The following AGAP3 variants were observed in gnomAD, a reference collection of about 807,000 sequenced individuals.
AGAP3 encodes ArfGAP with GTPase domain, ankyrin repeat and PH domain 3.
A neutral mutation model predicts 96.9 loss-of-function variants in AGAP3; 24 were observed. The observed-to-expected ratio is 0.25, with a 90% CI of 0.18 to 0.35. The LOEUF (loss-of-function observed/expected upper bound fraction) is 0.35. Among genes scored for constraint, AGAP3 ranks in the 10% least tolerant of loss-of-function variants. The pLI, the probability that AGAP3 is intolerant of heterozygous loss-of-function variation, is 1.00. For missense variants in AGAP3, 876 were observed against 1,254.2 expected (o/e 0.70, Z 4.55); for synonymous variants, 563 against 536.1 (o/e 1.05, Z -0.69).
rs1799154181 is a variant in AGAP3, at chr7:151,108,594, T to A, written c.332-8199T>A. 6.6e-6 allele frequency among the ~76,000 whole-genome samples: 1 copy of A among 152,232 alleles called. No individual in the cohort carries two copies. Among genetic ancestry groups the A allele is most frequent in the South Asian group, 2.1e-4 (1 of 4,832 alleles). On this transcript the variant is annotated intron_variant, in intron 1 of 17. Transcript: ENST00000397238. This position sits in a 1 kb window ranked among gnomAD's most constrained non-coding sequence, Gnocchi z 4.2. ...AGCAGCCTTCGGAGGGTCCCAAGGA[T>A]GTAGGCTGGGTCCTACGCCAGTCCA...
chr7:151,119,972 CCT>C lies in AGAP3; in HGVS notation c.970-12_970-11del. 1 of 1,613,066 alleles carries C rather than the reference CCT, an allele frequency of 6.2e-7. No homozygotes were observed. The highest frequency in any genetic ancestry group is 1.1e-5 in the South Asian group (1 of 91,034). On this transcript the variant is annotated splice_polypyrimidine_tract_variant and intron_variant, in intron 7 of 17. Coordinates refer to ENST00000397238, the MANE Select transcript of AGAP3 (RefSeq NM_031946.7). ...CTGACCCGGAGCTGCCCTCAGCAGC[CCT>C]CTTTGTCCTTAGGCCACGAATGGCG...
Position 151,114,781 on chromosome 7 carries a change from G to C in AGAP3, c.332-2012G>C, listed in dbSNP as rs1273667397. On this transcript the variant is annotated intron_variant, in intron 1 of 17. Coordinates refer to ENST00000397238, the MANE Select transcript of AGAP3 (RefSeq NM_031946.7). This position sits in a 1 kb window ranked among gnomAD's most constrained non-coding sequence, Gnocchi z 4.4. ...CCGCCGGCCCTGAGCATGGAGCGGG[G>C]CTGGCCGCAGGGGGACAGCTGTCCC... The C allele has an allele frequency of 9.7e-6, 10 of 1,033,216 alleles. No homozygotes were observed. The highest frequency in any genetic ancestry group is 1.2e-5 in the Non-Finnish European group (10 of 863,130). 64.0% of individuals were successfully genotyped at this position (1,033,216 alleles called of 1,614,324 possible). A position where few individuals can be genotyped will look rare whatever the true frequency, so the allele number is the denominator to read the frequency against.
chr7:151,092,157 G>T (rs1798423511), intron 1 of AGAP3, among the ~76,000 whole-genome samples: 1 of 152,184 alleles, frequency 6.6e-6, no homozygotes, highest in African/African-American at 2.4e-5. Context: ...CTTTGAGAAG[G>T]CTTGAGCCAC....
intron 1 of AGAP3, chr7:151,115,550 G>C (rs2150459387): frequency 1.8e-6 from 2 of 1,108,318 alleles, no homozygotes; most frequent in Non-Finnish European, 2.2e-6. Flanking sequence ...GGCTGCTCAC[G>C]AGCCGCTTCC....
At chr7:151,102,241 TC>T (rs1393216870) in intron 1 of AGAP3, among the ~76,000 whole-genome samples, 1 of 152,198 alleles carries the variant, frequency 6.6e-6, no homozygotes, top group Non-Finnish European at 1.5e-5. Context: ...GGCCCAGAGC[TC>T]CGGTGAGCCT....
rs1440402186 is a variant in AGAP3 at position 151,118,860 on chromosome 7, TTC to T, written c.969+234_969+235del. Among the ~76,000 whole-genome samples, 1 of 152,156 alleles carries T rather than the reference TTC, an allele frequency of 6.6e-6. No individual in the cohort carries two copies. Among genetic ancestry groups the T allele is most frequent in the African/African-American group, 2.4e-5 (1 of 41,446 alleles). On this transcript the variant is annotated intron_variant, in intron 7 of 17. Transcript: ENST00000397238. This position sits in a 1 kb window ranked among gnomAD's most constrained non-coding sequence, Gnocchi z 6.1. ...TGCCCCTTCCCGCTGCAATCCCCAC[TTC>T]TCTCTGCTCTCCACCATTCCACAGC... is the stretch of plus-strand genomic sequence containing the variant.
At chr7:151,121,535 G>A (rs1460808442) in intron 8 of AGAP3, among the ~76,000 whole-genome samples, 3 of 151,850 alleles carry the variant, frequency 2.0e-5, no homozygotes, top group Non-Finnish European at 4.4e-5. Flanking sequence ...CAACCCCAGG[G>A]CACCCCCTGC....
rs548016086 is a variant in AGAP3, at chr7:151,118,359, G to T, written c.841+15G>T. Reference sequence around the variant, plus strand: ...CTTCCAGGACGGTAACTCGGGTGCCGGGTGGGAGTCACTGGCAGCCGCGGC... The same window carrying T: ...CTTCCAGGACGGTAACTCGGGTGCCTGGTGGGAGTCACTGGCAGCCGCGGC... On this transcript the variant is annotated intron_variant, in intron 6 of 17. Coordinates refer to ENST00000397238, the MANE Select transcript of AGAP3 (RefSeq NM_031946.7). The surrounding 1 kb of genome is among the most constrained non-coding windows in gnomAD (Gnocchi z 6.1). 1 of 1,604,688 alleles carries T rather than the reference G, an allele frequency of 6.2e-7. No individual in the cohort carries two copies. Among genetic ancestry groups the T allele is most frequent in the Non-Finnish European group, 8.5e-7 (1 of 1,172,894 alleles).
chr7:151,112,260 C>A (rs1799322069), intron 1 of AGAP3: 1 of 152,236 alleles, frequency 6.6e-6, no homozygotes, highest in Non-Finnish European at 1.5e-5. Context: ...GAAGAGAAAG[C>A]TGTTCTGGGT....
chr7:151,131,159 G>A (rs1800387662), intron 10 of AGAP3: 1 of 152,220 alleles, frequency 6.6e-6, no homozygotes, highest in African/African-American at 2.4e-5. Context: ...CAGAAGATGA[G>A]TTCGTGGGCC....
chr7:151,120,828 G>A, intron 8 of AGAP3: 1 of 1,159,644 alleles, frequency 8.6e-7, no homozygotes, highest in Non-Finnish European at 1.1e-6. Context: ...TGCTGGCCCG[G>A]CTGAGGGTGG....
At chr7:151,110,420 C>T (rs1799231628) in intron 1 of AGAP3, among the ~76,000 whole-genome samples, 1 of 152,042 alleles carries the variant, frequency 6.6e-6, no homozygotes, top group African/African-American at 2.4e-5. Context: ...GGGCAGAGGC[C>T]CGGGAGGTGT....
Position 151,117,489 on chromosome 7 carries a change from C to T in AGAP3, c.564+33C>T, listed in dbSNP as rs188703168. 8.7e-5 allele frequency: 141 copies of T among 1,613,872 alleles called. No homozygotes were observed. The East Asian group carries it at 3.0e-3, about 34-fold the overall frequency. On this transcript the variant is annotated intron_variant, in intron 4 of 17. Coordinates refer to ENST00000397238, the MANE Select transcript of AGAP3 (RefSeq NM_031946.7). ...TCCTGCCCAGGGTTAGGGCCCACCG[C>T]TGTGCCTGGAGCCCTTTCTCGAGCT...
Position 151,140,312 on chromosome 7 carries a change from C to A in AGAP3, c.1804+196C>A. 1 of 532,946 alleles carries A rather than the reference C, an allele frequency of 1.9e-6. No individual in the cohort carries two copies. The highest frequency in any genetic ancestry group is 2.9e-6 in the Non-Finnish European group (1 of 347,926). The allele number at this position is 532,946 out of a possible 1,614,324, so 33.0% of individuals were successfully genotyped here. The stretch of plus-strand genomic sequence containing the variant: ...TATCTTAGAAAAGTTCTTCTGATAA[C>A]TGAAACCCTTTCTGTTGAAATGTGG... On this transcript the variant is annotated intron_variant, in intron 13 of 17. Coordinates refer to ENST00000397238, the MANE Select transcript of AGAP3 (RefSeq NM_031946.7). The surrounding 1 kb of genome is among the most constrained non-coding windows in gnomAD (Gnocchi z 5.4).
chr7:151,116,136 G>C (rs906765863), intron 1 of AGAP3, among the ~76,000 whole-genome samples: 3 of 152,216 alleles, frequency 2.0e-5, no homozygotes, highest in African/African-American at 7.2e-5. Context: ...CTGTCGGAGG[G>C]CTCTGGGTAA....
intron 1 of AGAP3, among the ~76,000 whole-genome samples, chr7:151,088,736 C>T (rs1013010069): frequency 6.6e-6 from 1 of 152,226 alleles, no homozygotes; most frequent in Admixed American, 6.5e-5. Flanking sequence ...GCGACCCCTC[C>T]TCCCCAGCTC....
intron 8 of AGAP3, 142 bp downstream of exon 8, chr7:151,120,287 TC>T: frequency 1.1e-6 from 1 of 909,258 alleles, no homozygotes; most frequent in Non-Finnish European, 1.6e-6. Flanking sequence ...TACACACGGC[TC>T]CCGAGGGTCC....
At chr7:151,086,442 G>C (rs1244301270), upstream of AGAP3, among the ~76,000 whole-genome samples, 1 of 146,810 alleles carries the variant, frequency 6.8e-6, no homozygotes, top group South Asian at 2.1e-4. Flanking sequence ...TGACGCGGGG[G>C]GAGGGCCTGG....
Position 151,141,890 on chromosome 7 carries a change from C to T in AGAP3, c.1805-8C>T. The stretch of plus-strand genomic sequence containing the variant: ...GGAGCCCTGATGGCATAAACACCCC[C>T]CCAACAGAGGCAGAGGAGTCGTTTG... On this transcript the variant is annotated splice_polypyrimidine_tract_variant and splice_region_variant and intron_variant, in intron 13 of 17. Coordinates refer to ENST00000397238, the MANE Select transcript of AGAP3 (RefSeq NM_031946.7). The surrounding 1 kb of genome is among the most constrained non-coding windows in gnomAD (Gnocchi z 4.2). 6.2e-7 allele frequency: 1 copy of T among 1,614,158 alleles called. No homozygotes were observed. Among genetic ancestry groups the T allele is most frequent in the Non-Finnish European group, 8.5e-7 (1 of 1,180,018 alleles).
Sources: gnomAD v4.1 joint callset for allele counts (sites outside exome capture counted in the v4.1 genomes callset) on GRCh38, gnomAD v4.1.1 for gene constraint, Gnocchi (gnomAD v3.1) non-coding constraint, MANE v1.5 for transcripts, NCBI Gene and HGNC (gene_info 2026-07-23, HGNC 2026-07-21) for gene names.